CWC27: variants seen among roughly 807,000 people sequenced by gnomAD.
CWC27 encodes the protein CWC27 spliceosome associated cyclophilin.
CWC27 carries 47 observed loss-of-function variants against 63.6 expected under a neutral mutation model. The observed-to-expected ratio is 0.74, with a 90% CI of 0.58 to 0.94. The LOEUF (loss-of-function observed/expected upper bound fraction) is 0.94. Ranked by LOEUF, CWC27 falls within the 40% of genes least tolerant of loss-of-function variation. The pLI is 0.00. For missense variants in CWC27, 495 were observed against 554.3 expected (o/e 0.89, Z 1.07); for synonymous variants, 175 against 179.8 (o/e 0.97, Z 0.22).
intron 10 of CWC27, among the ~76,000 whole-genome samples, chr5:64,810,630 C>T (rs1364981880): frequency 1.3e-5 from 2 of 151,934 alleles, no homozygotes; most frequent in African/African-American, 2.4e-5. Context: ...AAATTTACTC[C>T]TCTAAGTATT....
intron 13 of CWC27, among the ~76,000 whole-genome samples, chr5:65,011,248 G>A (rs556508320): frequency 2.0e-5 from 3 of 152,188 alleles, no homozygotes; most frequent in East Asian, 1.9e-4. Context: ...AAGCAGAGCC[G>A]CCACCTTCAA....
intron 10 of CWC27, among the ~76,000 whole-genome samples, chr5:64,874,489 G>C (rs1529771): frequency 6.7e-6 from 1 of 150,174 alleles, no homozygotes; most frequent in Non-Finnish European, 1.5e-5. Context: ...TTGTTTTTTA[G>C]ACAGTCTTGC....
intron 13 of CWC27, among the ~76,000 whole-genome samples, chr5:64,994,693 G>A (rs1315757796): frequency 6.6e-6 from 1 of 151,906 alleles, no homozygotes; most frequent in Non-Finnish European, 1.5e-5. Context: ...TATCAGCTCA[G>A]GAATGACTTT....
At chr5:64,842,900 C>A (rs954486228) in intron 10 of CWC27, among the ~76,000 whole-genome samples, 8 of 152,202 alleles carry the variant, frequency 5.3e-5, no homozygotes, top group Admixed American at 5.2e-4. Flanking sequence ...CCCTACCCGG[C>A]CTTTTTCAAG....
chr5:64,887,613 C>T (rs1747108439), intron 11 of CWC27, among the ~76,000 whole-genome samples: 2 of 152,256 alleles, frequency 1.3e-5, no homozygotes, highest in Middle Eastern at 3.4e-3. Flanking sequence ...GGTGATCTGC[C>T]TGCCTCAGCA....
intron 11 of CWC27, among the ~76,000 whole-genome samples, chr5:64,894,135 G>A (rs1467259255): frequency 6.6e-6 from 1 of 151,962 alleles, no homozygotes; most frequent in Non-Finnish European, 1.5e-5. Flanking sequence ...TCACCATGTT[G>A]ACCAGGCTGG....
chr5:64,859,280 G>T (rs1746340434), intron 10 of CWC27, among the ~76,000 whole-genome samples: 1 of 152,078 alleles, frequency 6.6e-6, no homozygotes, highest in African/African-American at 2.4e-5. Flanking sequence ...AGGGAGGAGG[G>T]ATGTTAGAGA....
At chr5:64,881,336 G>A (rs1414350987) in intron 10 of CWC27, among the ~76,000 whole-genome samples, 1 of 152,048 alleles carries the variant, frequency 6.6e-6, no homozygotes, top group Non-Finnish European at 1.5e-5. Context: ...CATTAATATA[G>A]TGTGTCTAAA....
intron 11 of CWC27, 73 bp from the exon 12 acceptor site, chr5:64,971,630 G>A: frequency 2.6e-6 from 3 of 1,169,116 alleles, no homozygotes; most frequent in South Asian, 3.9e-5. Flanking sequence ...TTCAGCAACA[G>A]GAGCATAAAC....
intron 10 of CWC27, among the ~76,000 whole-genome samples, chr5:64,829,295 C>G (rs1274220316): frequency 6.6e-6 from 1 of 152,108 alleles, no homozygotes; most frequent in Non-Finnish European, 1.5e-5. Context: ...TCAGTACTGA[C>G]TCAACTTATG....
chr5:64,926,431 G>C (rs994671372), intron 11 of CWC27, among the ~76,000 whole-genome samples: 6 of 150,942 alleles, frequency 4.0e-5, no homozygotes, highest in African/African-American at 1.5e-4. Context: ...TTTTGCCCAG[G>C]CTTGCTTGCT....
intron 10 of CWC27, among the ~76,000 whole-genome samples, chr5:64,842,560 C>T (rs1745872967): frequency 1.3e-5 from 2 of 151,350 alleles, no homozygotes; most frequent in African/African-American, 4.9e-5. Flanking sequence ...CCTCAGCCTC[C>T]TAAAGTGCTG....
intron 10 of CWC27, among the ~76,000 whole-genome samples, chr5:64,822,026 G>T (rs191224068): frequency 8.4e-4 from 128 of 152,242 alleles, no homozygotes; most frequent in African/African-American, 2.0e-3. Flanking sequence ...GGTCATGACG[G>T]GCCTTGTATG....
chr5:64,832,570 C>T (rs1745552814), intron 10 of CWC27, among the ~76,000 whole-genome samples: 1 of 151,790 alleles, frequency 6.6e-6, no homozygotes, highest in South Asian at 2.1e-4. Flanking sequence ...AACTATCATA[C>T]TTATGTCTGC....
chr5:64,821,654 T>C (rs573037473), intron 10 of CWC27, among the ~76,000 whole-genome samples: 3 of 152,304 alleles, frequency 2.0e-5, no homozygotes, highest in Non-Finnish European at 2.9e-5. Context: ...CTGAAGCTGC[T>C]CTCTTTACCA....
chr5:64,837,293 G>A (rs796366858), intron 10 of CWC27, among the ~76,000 whole-genome samples: 22 of 152,166 alleles, frequency 1.4e-4, no homozygotes, highest in African/African-American at 5.3e-4. Context: ...TGGCATTCTT[G>A]TAATCTTTAT....
chr5:64,782,147 C>A, intron 3 of CWC27, 114 bp downstream of exon 3: 1 of 547,038 alleles, frequency 1.8e-6, no homozygotes, highest in Non-Finnish European at 3.2e-6. Context: ...AAACGTTTCA[C>A]ATTAGTATAT....
At chr5:65,015,763 GCA>G (rs1750038710) in intron 13 of CWC27, among the ~76,000 whole-genome samples, 1 of 152,172 alleles carries the variant, frequency 6.6e-6, no homozygotes, top group South Asian at 2.1e-4. Flanking sequence ...GTGCTTTTAG[GCA>G]CAGTGTCTCC....
At chr5:64,775,677 G>A (rs1023922494) in intron 2 of CWC27, among the ~76,000 whole-genome samples, 1 of 151,966 alleles carries the variant, frequency 6.6e-6, no homozygotes, top group African/African-American at 2.4e-5. Flanking sequence ...TTAGATTTGA[G>A]TCATAAAGTA....
Sources: gnomAD v4.1 joint callset for allele counts (sites outside exome capture counted in the v4.1 genomes callset) on GRCh38, gnomAD v4.1.1 for gene constraint, MANE v1.5 for transcripts, NCBI Gene and HGNC (gene_info 2026-07-23, HGNC 2026-07-21) for gene names.